ROBO2: variants seen among roughly 807,000 people sequenced by gnomAD.
The protein encoded by ROBO2 is roundabout guidance receptor 2.
A neutral mutation model predicts 160.8 loss-of-function variants in ROBO2; 53 were observed. The observed-to-expected ratio is 0.33, with a 90% CI of 0.26 to 0.41. The LOEUF is 0.41. Ranked by LOEUF, ROBO2 falls within the 10% of genes least tolerant of loss-of-function variation. ROBO2 has a pLI of 1.00. For missense variants in ROBO2, 1,577 were observed against 1,722.4 expected, an observed-to-expected ratio of 0.92 and a Z score of 1.49; for synonymous variants, 664 against 611.7, an observed-to-expected ratio of 1.09 and a Z score of -1.26.
At chr3:75,969,472 A>G (rs947352596) in intron 2 of ROBO2, among the ~76,000 whole-genome samples, 3 of 151,522 alleles carry the variant, frequency 2.0e-5, no homozygotes, top group African/African-American at 7.3e-5. Context: ...TCTATTTTAA[A>G]TTTTTGAGGA....
chr3:77,494,123 T>A (rs1231144350), intron 5 of ROBO2, among the ~76,000 whole-genome samples: 1 of 152,204 alleles, frequency 6.6e-6, no homozygotes, highest in Non-Finnish European at 1.5e-5. Context: ...ATTCAAGTGT[T>A]TTTTGTTGTT....
chr3:76,820,473 A>C (rs1389774999), intron 2 of ROBO2, among the ~76,000 whole-genome samples: 1 of 152,038 alleles, frequency 6.6e-6, no homozygotes, highest in Non-Finnish European at 1.5e-5. Context: ...TTACTTTCTT[A>C]AGATTATATT....
intron 2 of ROBO2, among the ~76,000 whole-genome samples, chr3:77,293,617 A>T (rs2061602463): frequency 6.9e-6 from 1 of 145,318 alleles, no homozygotes. Context: ...CACAAAGTAA[A>T]ATTGACGGTT....
At chr3:77,619,423 C>T (rs1170782038) in intron 22 of ROBO2, among the ~76,000 whole-genome samples, 1 of 152,168 alleles carries the variant, frequency 6.6e-6, no homozygotes, top group Non-Finnish European at 1.5e-5. Flanking sequence ...AAAAGATACG[C>T]ATTAAAATCA....
chr3:77,319,470 G>T (rs910748646), intron 2 of ROBO2, among the ~76,000 whole-genome samples: 1 of 152,130 alleles, frequency 6.6e-6, no homozygotes, highest in Non-Finnish European at 1.5e-5. Context: ...CTGATTGACA[G>T]AACAACATTG....
intron 24 of ROBO2, among the ~76,000 whole-genome samples, chr3:77,638,818 C>CTTTTTTTTTT (rs34034420): frequency 3.9e-5 from 2 of 51,270 alleles, no homozygotes; most frequent in African/African-American, 8.1e-5. Context: ...TTTCACCTAG[C>CTTTTTTTTTT]TTTTTTTTTT....
In ROBO2 at chr3:76,137,300, G is replaced by A. The variant is rs556534888; in HGVS notation, c.109+199698G>A. On this transcript the variant is annotated intron_variant, in intron 2 of 26. Coordinates refer to the ROBO2 transcript ENST00000487694. ...TTTTATTTTTAGCATTCTGGTTTTC[G>A]TAGTGGTATTTCCATTTACAAAATG... Among the ~76,000 whole-genome samples the A allele has an allele frequency of 7.2e-5, 11 of 152,032 alleles. No homozygotes were observed. The South Asian group carries it at 1.7e-3, about 23-fold the overall frequency.
intron 2 of ROBO2, among the ~76,000 whole-genome samples, chr3:76,343,728 G>A (rs2074366979): frequency 6.6e-6 from 1 of 152,012 alleles, no homozygotes; most frequent in African/African-American, 2.4e-5. Context: ...GAAGTCGAAT[G>A]CAACCATGAG....
chr3:77,000,389 C>T (rs1444346531), intron 2 of ROBO2, among the ~76,000 whole-genome samples: 1 of 152,190 alleles, frequency 6.6e-6, no homozygotes, highest in South Asian at 2.1e-4. Context: ...TTGCCAGCCT[C>T]TCAGTCTGGA....
At chr3:77,630,815 T>A (rs2095145604) in intron 23 of ROBO2, 1 of 152,044 alleles carries the variant, frequency 6.6e-6, no homozygotes, top group Middle Eastern at 3.4e-3. Context: ...AGAGCAGGTA[T>A]TTAGAAATAC....
rs2075633155 is a variant in ROBO2 at position 76,414,068 on chromosome 3, A to T, written c.109+476466A>T. Among the ~76,000 whole-genome samples the T allele has an allele frequency of 2.6e-5, 3 of 116,704 alleles. No individual in the cohort carries two copies. The South Asian group carries it at 8.5e-4, about 33-fold the overall frequency. The allele number at this position is 116,704 out of a possible 152,430, so 76.6% of individuals were successfully genotyped here. A position where few individuals can be genotyped will look rare whatever the true frequency, so the allele number is the denominator to read the frequency against. Reference sequence around the variant, plus strand: ...GAAGAAGCAAAAGCAGAAACCCCTGATAAGCCCATCAGATCTTGTGAGACT... The same window carrying T: ...GAAGAAGCAAAAGCAGAAACCCCTGTTAAGCCCATCAGATCTTGTGAGACT... On this transcript the variant is annotated intron_variant, in intron 2 of 26. Coordinates refer to the ROBO2 transcript ENST00000487694.
At chr3:76,731,432 T>G (rs1175841652) in intron 2 of ROBO2, among the ~76,000 whole-genome samples, 1 of 152,204 alleles carries the variant, frequency 6.6e-6, no homozygotes, top group African/African-American at 2.4e-5. Flanking sequence ...CATAGCATTG[T>G]GACCATATCC....
intron 2 of ROBO2, among the ~76,000 whole-genome samples, chr3:77,158,210 G>A (rs1053780940): frequency 2.0e-5 from 3 of 152,118 alleles, no homozygotes; most frequent in African/African-American, 7.2e-5. Context: ...TAAACCCCCT[G>A]TGCCAACATT....
intron 2 of ROBO2, among the ~76,000 whole-genome samples, chr3:76,442,638 T>C (rs1321895600): frequency 6.6e-6 from 1 of 152,064 alleles, no homozygotes; most frequent in African/African-American, 2.4e-5. Context: ...AAATAAACAA[T>C]TCCTCGGTTT....
chr3:76,940,083 A>G (rs548942367), intron 2 of ROBO2, among the ~76,000 whole-genome samples: 7 of 145,518 alleles, frequency 4.8e-5, no homozygotes, highest in East Asian at 2.1e-4. Flanking sequence ...CCGGGTTCAC[A>G]CCATTCTCCT....
At chr3:76,289,392 A>C (rs1708690774) in intron 2 of ROBO2, among the ~76,000 whole-genome samples, 1 of 151,810 alleles carries the variant, frequency 6.6e-6, no homozygotes, top group Non-Finnish European at 1.5e-5. Flanking sequence ...CTGATATTAG[A>C]CCTTTGTTGG....
chr3:76,234,409 G>A (rs1162477212), intron 2 of ROBO2, among the ~76,000 whole-genome samples: 2 of 152,064 alleles, frequency 1.3e-5, no homozygotes, highest in Non-Finnish European at 2.9e-5. Flanking sequence ...CTAATTTATT[G>A]GGTTGGTGCA....
At chr3:76,123,185 T>A (rs2070824650) in intron 2 of ROBO2, among the ~76,000 whole-genome samples, 1 of 152,182 alleles carries the variant, frequency 6.6e-6, no homozygotes, top group African/African-American at 2.4e-5. Context: ...TTTTAATTCA[T>A]GGTGAAAATA....
chr3:76,326,952 AATT>A (rs1278925416), intron 2 of ROBO2, among the ~76,000 whole-genome samples: 5 of 152,102 alleles, frequency 3.3e-5, no homozygotes, highest in African/African-American at 1.2e-4. Flanking sequence ...TACACCATAG[AATT>A]ATTATCTTAC....
Sources: allele counts gnomAD v4.1 joint callset (sites outside exome capture counted in the v4.1 genomes callset), GRCh38; gene constraint gnomAD v4.1.1; transcripts MANE v1.5; gene names NCBI Gene and HGNC (gene_info 2026-07-23, HGNC 2026-07-21).